IGSF21: variants seen among roughly 807,000 people sequenced by gnomAD.
IGSF21 encodes immunoglobin superfamily member 21.
Under a neutral mutation model 46.8 loss-of-function variants are expected in IGSF21, and 28 were observed. That is an observed-to-expected ratio of 0.60 (90% CI 0.44 to 0.82). The LOEUF (loss-of-function observed/expected upper bound fraction) is 0.82, where lower values mean the gene tolerates loss of function less well. IGSF21 is among the 40% of genes least tolerant of loss of function. IGSF21 has a pLI of 0.00. For synonymous variants in IGSF21, 284 were observed against 273.6 expected, an observed-to-expected ratio of 1.04 and a Z score of -0.38; for missense variants, 624 against 665.5, an observed-to-expected ratio of 0.94 and a Z score of 0.69.
chr1:18,228,098 C>A, intron 2 of IGSF21, 88 bp downstream of exon 2: 1 of 1,019,456 alleles, frequency 9.8e-7, no homozygotes, highest in Non-Finnish European at 1.5e-6. Flanking sequence ...ACTGGTGTGG[C>A]TATGACCTCA....
chr1:18,361,201 G>C (rs2086096650), intron 4 of IGSF21, among the ~76,000 whole-genome samples: 1 of 152,162 alleles, frequency 6.6e-6, no homozygotes, highest in Non-Finnish European at 1.5e-5. Flanking sequence ...TCTTCCAAAT[G>C]CAAGTCAGAT....
chr1:18,240,884 G>A (rs550030521), intron 2 of IGSF21, among the ~76,000 whole-genome samples: 1 of 152,342 alleles, frequency 6.6e-6, no homozygotes, highest in South Asian at 2.1e-4. Context: ...GCTGCCTCAA[G>A]CTCAGCTGCG....
rs35753284 is a variant in IGSF21, at chr1:18,274,029, A to T, written c.184-17837A>T. On this transcript the variant is annotated intron_variant, in intron 2 of 9. Coordinates refer to ENST00000251296, the MANE Select transcript of IGSF21 (RefSeq NM_032880.5). The stretch of plus-strand genomic sequence containing the variant: ...AAAGACACCTACCAAGTCAAAGATG[A>T]GTCAGGGGCTCACATGGTCCAGTTA... Among the ~76,000 whole-genome samples, 852 of 152,282 alleles carry T rather than the reference A, an allele frequency of 5.6e-3. 3 individuals carry two copies. The highest frequency in any genetic ancestry group is 8.4e-3 in the Non-Finnish European group (568 of 68,014).
At chr1:18,300,249 G>A (rs1437755369) in intron 3 of IGSF21, among the ~76,000 whole-genome samples, 1 of 151,836 alleles carries the variant, frequency 6.6e-6, no homozygotes, top group African/African-American at 2.4e-5. Context: ...TGGGGAACCT[G>A]GAATTCATTT....
At chr1:18,126,650 C>G (rs2086276477) in intron 1 of IGSF21, among the ~76,000 whole-genome samples, 2 of 152,146 alleles carry the variant, frequency 1.3e-5, no homozygotes, top group African/African-American at 2.4e-5. Flanking sequence ...CCTTCTGAAC[C>G]TCTCCTCTGC....
chr1:18,182,875 A>AC (rs2086870077), intron 1 of IGSF21, among the ~76,000 whole-genome samples: 1 of 151,854 alleles, frequency 6.6e-6, no homozygotes, highest in South Asian at 2.1e-4. Flanking sequence ...TGTCCACTTG[A>AC]CCCATGCTCC....
chr1:18,351,648 TTCC>T (rs2085956798), intron 4 of IGSF21, among the ~76,000 whole-genome samples: 1 of 152,192 alleles, frequency 6.6e-6, no homozygotes, highest in South Asian at 2.1e-4. Context: ...CTCCCCAAGC[TTCC>T]GTGGGCTTCC....
intron 3 of IGSF21, among the ~76,000 whole-genome samples, chr1:18,302,443 T>A (rs1167243450): frequency 6.6e-6 from 1 of 152,134 alleles, no homozygotes; most frequent in Non-Finnish European, 1.5e-5. Context: ...TCTCCCTAAC[T>A]CTCTCCACCT....
At chr1:18,323,013 C>T (rs780917667) in intron 3 of IGSF21, among the ~76,000 whole-genome samples, 15 of 152,116 alleles carry the variant, frequency 9.9e-5, no homozygotes, top group Admixed American at 3.3e-4. Flanking sequence ...CAGGAAAGAG[C>T]GGTCGGGACC....
intron 4 of IGSF21, among the ~76,000 whole-genome samples, chr1:18,352,654 T>C (rs2085969708): frequency 6.6e-6 from 1 of 152,166 alleles, no homozygotes; most frequent in Admixed American, 6.5e-5. Context: ...ATAGCCTCAG[T>C]TGGGTCCGCT....
Position 18,158,362 on chromosome 1 carries a change from A to G in IGSF21, c.70+50164A>G, listed in dbSNP as rs745474869. On this transcript the variant is annotated intron_variant, in intron 1 of 9. Transcript: ENST00000251296. ...TCCCATTTATGCAAATCAGCGAGGT[A>G]AGAGGCATATAATGAAGTGTTTGTG... Among the ~76,000 whole-genome samples, 32 of 152,230 alleles carry G rather than the reference A, an allele frequency of 2.1e-4. 1 individual carries two copies. The highest frequency in any genetic ancestry group is 4.6e-4 in the Non-Finnish European group (31 of 68,034).
intron 2 of IGSF21, among the ~76,000 whole-genome samples, chr1:18,267,658 C>T (rs887215870): frequency 6.6e-6 from 1 of 152,162 alleles, no homozygotes; most frequent in African/African-American, 2.4e-5. Context: ...TGGGACTTTC[C>T]CAGACACTGA....
intron 6 of IGSF21, among the ~76,000 whole-genome samples, chr1:18,371,671 T>C (rs1408118543): frequency 2.6e-5 from 4 of 152,222 alleles, no homozygotes; most frequent in Middle Eastern, 3.4e-3. Flanking sequence ...TAAATATCCA[T>C]TGATAGAAAT....
intron 1 of IGSF21, among the ~76,000 whole-genome samples, chr1:18,211,335 C>T (rs1004474487): frequency 6.6e-6 from 1 of 152,172 alleles, no homozygotes; most frequent in Admixed American, 6.5e-5. Context: ...GTGGGAAAAC[C>T]CTGTCACCTG....
At chr1:18,326,150 T>C (rs2085656001) in intron 3 of IGSF21, among the ~76,000 whole-genome samples, 3 of 152,120 alleles carry the variant, frequency 2.0e-5, no homozygotes. Context: ...TTTTATTAGC[T>C]CTGCCTCACG....
At chr1:18,245,429 C>G (rs201403284) in intron 2 of IGSF21, among the ~76,000 whole-genome samples, 1 of 152,076 alleles carries the variant, frequency 6.6e-6, no homozygotes, top group Non-Finnish European at 1.5e-5. Flanking sequence ...AAAGAGCTCT[C>G]AAGTATTTGT....
Position 18,208,397 on chromosome 1 carries a change from T to TGTATATATATATATATATATATATATATA in IGSF21, c.71-19501_71-19500insGTATATATATATATATATATATATATATA, listed in dbSNP as rs368652183. Among the ~76,000 whole-genome samples, 22 of 92,586 alleles carry TGTATATATATATATATATATATATATATA rather than the reference T, an allele frequency of 2.4e-4. 3 individuals are homozygous for TGTATATATATATATATATATATATATATA. The highest frequency in any genetic ancestry group is 4.1e-4 in the Non-Finnish European group (18 of 43,918). 60.7% of individuals were successfully genotyped at this position (92,586 alleles called of 152,430 possible). ...GAATAATATATATATATATATATAT[T>TGTATATATATATATATATATATATATATA]TTTTGAGACGGAGTCTTGCTGTCTC... On this transcript the variant is annotated intron_variant, in intron 1 of 9. Transcript: ENST00000251296.
intron 1 of IGSF21, among the ~76,000 whole-genome samples, chr1:18,171,976 C>T (rs2086741392): frequency 6.6e-6 from 1 of 152,118 alleles, no homozygotes; most frequent in Non-Finnish European, 1.5e-5. Flanking sequence ...TGAAGAGGTA[C>T]CTGGGAAGAA....
rs114850393 is a variant in IGSF21, at chr1:18,230,378, C to T, written c.183+2368C>T. On this transcript the variant is annotated intron_variant, in intron 2 of 9. Coordinates refer to ENST00000251296, the MANE Select transcript of IGSF21 (RefSeq NM_032880.5). ...AGTGGCATCTCTTACCATTGTCAGG[C>T]GCTGCATATCGGGCCATGGTAGGCT... 5.5e-3 allele frequency among the ~76,000 whole-genome samples: 833 copies of T among 152,270 alleles called. 6 individuals are homozygous for T. Among genetic ancestry groups the T allele is most frequent in the African/African-American group, 0.019 (799 of 41,552 alleles).
Sources: gnomAD v4.1 joint callset for allele counts (sites outside exome capture counted in the v4.1 genomes callset) on GRCh38, gnomAD v4.1.1 for gene constraint, MANE v1.5 for transcripts, NCBI Gene and HGNC (gene_info 2026-07-23, HGNC 2026-07-21) for gene names.